The following GPHN variants were observed in gnomAD, a reference collection of about 807,000 sequenced individuals.
GPHN encodes the protein gephyrin.
A neutral mutation model predicts 95.5 loss-of-function variants in GPHN; 17 were observed. That is an observed-to-expected ratio of 0.18 (90% CI 0.12 to 0.27). The LOEUF (loss-of-function observed/expected upper bound fraction) is 0.27. Among genes scored for constraint, GPHN ranks in the 10% least tolerant of loss-of-function variants. The pLI is 1.00. For missense variants in GPHN, 660 were observed against 978.1 expected (o/e 0.67, Z 4.34); for synonymous variants, 320 against 322.5 (o/e 0.99, Z 0.08).
At chr14:67,265,811 C>T in the GPHN span, among the ~76,000 whole-genome samples, 3 of 144,012 alleles carry the variant, frequency 2.1e-5, no homozygotes, top group Non-Finnish European at 3.0e-5. Flanking sequence ...GAGCCAAAAT[C>T]GCGCCACTGC....
chr14:66,681,859 A>T (rs1468733634), intron 2 of GPHN, among the ~76,000 whole-genome samples: 1 of 151,504 alleles, frequency 6.6e-6, no homozygotes, highest in Non-Finnish European at 1.5e-5. Context: ...AAAAAAAAAT[A>T]ATTAAAACTA....
chr14:67,077,863 A>G (rs2076556877), intron 11 of GPHN, among the ~76,000 whole-genome samples: 2 of 152,146 alleles, frequency 1.3e-5, no homozygotes, highest in African/African-American at 4.8e-5. Context: ...TGTATCAGCC[A>G]GTCTTTTTCC....
the GPHN span, among the ~76,000 whole-genome samples, chr14:67,511,391 G>A: frequency 6.0e-4 from 92 of 152,280 alleles, no homozygotes; most frequent in Non-Finnish European, 1.1e-3. Flanking sequence ...TCTAGAAGAT[G>A]GAGCAGCCGG....
At position 66,821,874 on chromosome 14, in the gene GPHN, T is replaced by A. The variant is rs149419623; in HGVS notation, c.202-2600T>A. 1.1e-4 allele frequency among the ~76,000 whole-genome samples: 16 copies of A among 152,326 alleles called. No individual in the cohort carries two copies. The East Asian group carries it at 2.9e-3, about 28-fold the overall frequency. On this transcript the variant is annotated intron_variant, in intron 3 of 22. Transcript: ENST00000478722. ...ACAAATGTTATTCAAGTGAAAGAAATCTATATATTAAGTGTTACCAGTTAT... is the reference window on the plus strand; with the variant it reads ...ACAAATGTTATTCAAGTGAAAGAAAACTATATATTAAGTGTTACCAGTTAT...
At chr14:67,399,173 C>A in the GPHN span, among the ~76,000 whole-genome samples, 1 of 151,706 alleles carries the variant, frequency 6.6e-6, no homozygotes, top group Admixed American at 6.6e-5. Flanking sequence ...GTGTGGCAGG[C>A]ATAAAGAGAA....
the GPHN span, chr14:67,348,985 AAAATGTCACCTCTTTTCTCCCC>A: frequency 7.4e-5 from 114 of 1,550,254 alleles, 1 homozygote; most frequent in Non-Finnish European, 8.0e-6. Context: ...GGTTAATTTT[AAAATGTCACCTCTTTTCTCCCC>A]AAAGGGTTTC....
the GPHN span, chr14:67,650,825 G>C: frequency 6.2e-7 from 1 of 1,614,144 alleles, no homozygotes; most frequent in African/African-American, 1.3e-5. Flanking sequence ...TTCAAGCTTT[G>C]GTCAGACAAG....
chr14:67,594,403 CT>C, the GPHN span, among the ~76,000 whole-genome samples: 10 of 152,296 alleles, frequency 6.6e-5, no homozygotes, highest in African/African-American at 2.4e-4. Flanking sequence ...ACTCCTAGCA[CT>C]TTGGGAGGCC....
At chr14:67,249,283 A>G in the GPHN span, among the ~76,000 whole-genome samples, 9 of 152,334 alleles carry the variant, frequency 5.9e-5, no homozygotes, top group African/African-American at 1.7e-4. Flanking sequence ...TTTTAAGGCA[A>G]AAAATCAGCA....
At chr14:66,797,495 T>C (rs2060200733) in intron 3 of GPHN, among the ~76,000 whole-genome samples, 2 of 151,886 alleles carry the variant, frequency 1.3e-5, no homozygotes, top group Admixed American at 6.6e-5. Context: ...TTTATCTCTT[T>C]ATTTTATTAG....
intron 2 of GPHN, among the ~76,000 whole-genome samples, chr14:66,700,791 C>T (rs1023806044): frequency 2.6e-5 from 4 of 152,026 alleles, no homozygotes; most frequent in Admixed American, 6.6e-5. Context: ...GGCGTGGTGG[C>T]GTGCGCCTAT....
At chr14:67,060,193 A>T (rs778134176) in intron 11 of GPHN, among the ~76,000 whole-genome samples, 1 of 150,978 alleles carries the variant, frequency 6.6e-6, no homozygotes, top group Non-Finnish European at 1.5e-5. Flanking sequence ...TTAAAGAGAC[A>T]TTCTAATTTA....
chr14:67,045,582 A>T (rs1443816036), intron 10 of GPHN, among the ~76,000 whole-genome samples: 178 of 98,524 alleles, frequency 1.8e-3, no homozygotes, highest in Middle Eastern at 9.6e-3. Flanking sequence ...CCTCTGTCTC[A>T]GTGTCTGTCT....
intron 2 of GPHN, among the ~76,000 whole-genome samples, chr14:66,723,063 T>G (rs559992027): frequency 6.6e-5 from 10 of 152,240 alleles, no homozygotes; most frequent in South Asian, 4.1e-4. Context: ...TTAGATTTTT[T>G]TGTGTGTGTG....
chr14:66,596,421 C>G (rs1423985515), intron 1 of GPHN, among the ~76,000 whole-genome samples: 2 of 152,116 alleles, frequency 1.3e-5, no homozygotes, highest in South Asian at 4.1e-4. Context: ...ATCCACGGTG[C>G]CCATGGTGCC....
At chr14:67,528,897 A>T in the GPHN span, among the ~76,000 whole-genome samples, 1 of 152,088 alleles carries the variant, frequency 6.6e-6, no homozygotes, top group Admixed American at 6.6e-5. Context: ...GGTGGCCTGG[A>T]ATCTGTATTT....
At position 66,703,991 on chromosome 14, in the gene GPHN, GA is replaced by G. The variant is rs111469791; in HGVS notation, c.143+22816del. ...AAAAAAAAAGAAAGAAAGAAAAAAAGAAAAAAAAAAGGGCAGGAGTTGCAAT... is the reference window on the plus strand; with the variant it reads ...AAAAAAAAAGAAAGAAAGAAAAAAAGAAAAAAAAAGGGCAGGAGTTGCAAT... On this transcript the variant is annotated intron_variant, in intron 2 of 22. Coordinates refer to ENST00000478722, the MANE Select transcript of GPHN (RefSeq NM_020806.5). Among the ~76,000 whole-genome samples, 621 of 139,768 alleles carry G rather than the reference GA, an allele frequency of 4.4e-3. 9 individuals are homozygous for G. Among genetic ancestry groups the G allele is most frequent in the African/African-American group, 0.015 (561 of 38,336 alleles). 91.7% of individuals were successfully genotyped at this position (139,768 alleles called of 152,430 possible). A position where few individuals can be genotyped will look rare whatever the true frequency, so the allele number is the denominator to read the frequency against.
chr14:67,011,114 A>G (rs1395603112), intron 9 of GPHN, among the ~76,000 whole-genome samples: 1 of 152,122 alleles, frequency 6.6e-6, no homozygotes, highest in Non-Finnish European at 1.5e-5. Flanking sequence ...ATATATAGTA[A>G]ACAACAGATA....
At chr14:66,834,667 T>C (rs1353799434) in intron 4 of GPHN, among the ~76,000 whole-genome samples, 1 of 151,888 alleles carries the variant, frequency 6.6e-6, no homozygotes, top group Admixed American at 6.6e-5. Context: ...CAGTATTTTA[T>C]TGAGGATTTT....
Sources: gnomAD v4.1 joint callset for allele counts (sites outside exome capture counted in the v4.1 genomes callset) on GRCh38, gnomAD v4.1.1 for gene constraint, MANE v1.5 for transcripts, NCBI Gene and HGNC (gene_info 2026-07-23, HGNC 2026-07-21) for gene names.